Variants in TANGO6 observed in about 807,000 individuals in gnomAD.
TANGO6 encodes transport and Golgi organization protein 6 homolog.
In TANGO6, 90 loss-of-function variants were observed where a neutral mutation model predicts 114.2. That is an observed-to-expected ratio of 0.79 (90% CI 0.66 to 0.94). The LOEUF is 0.94. TANGO6 is among the 40% of genes least tolerant of loss of function. The pLI, the probability that TANGO6 is intolerant of heterozygous loss-of-function variation, is 0.00. For missense variants in TANGO6, 1,274 were observed against 1,315.3 expected (o/e 0.97, Z 0.49); for synonymous variants, 477 against 509.8 (o/e 0.94, Z 0.87).
At chr16:68,884,641 C>T (rs2152173126) in intron 7 of TANGO6, among the ~76,000 whole-genome samples, 1 of 151,956 alleles carries the variant, frequency 6.6e-6, no homozygotes, top group African/African-American at 2.4e-5. Context: ...AGGGGTAAGA[C>T]TAATTGTGAC....
At chr16:68,879,643 G>C (rs1962425631) in intron 6 of TANGO6, among the ~76,000 whole-genome samples, 1 of 142,904 alleles carries the variant, frequency 7.0e-6, no homozygotes, top group South Asian at 2.2e-4. Flanking sequence ...TTTAGACAGA[G>C]TCTCACTCTG....
chr16:68,871,254 A>G (rs7192138), intron 4 of TANGO6, among the ~76,000 whole-genome samples: 42,803 of 152,014 alleles, frequency 0.28, 7,791 homozygotes, highest in African/African-American at 0.53. Flanking sequence ...TTTCTGATGA[A>G]AAGTCTGCTA....
intron 7 of TANGO6, 54 bp from the exon 8 acceptor site, chr16:68,900,380 G>A (rs1008768317): frequency 1.1e-4 from 160 of 1,466,782 alleles, no homozygotes; most frequent in Middle Eastern, 8.7e-4. Flanking sequence ...TGTGATTCCC[G>A]TTGCTCTGGC....
At chr16:69,054,361 T>C (rs1959999625) in intron 17 of TANGO6, among the ~76,000 whole-genome samples, 1 of 152,198 alleles carries the variant, frequency 6.6e-6, no homozygotes, top group East Asian at 1.9e-4. Flanking sequence ...ACCTGATTGC[T>C]ACTCAGACAT....
chr16:69,060,139 C>G (rs1286902440), intron 17 of TANGO6, among the ~76,000 whole-genome samples: 3 of 151,980 alleles, frequency 2.0e-5, no homozygotes, highest in African/African-American at 7.3e-5. Context: ...TGTAGGACTC[C>G]GCTACATGTT....
rs775658363 is a variant in TANGO6, at chr16:69,022,840, C to G, written c.2855C>G (p.Ser952Ter). 2 of 1,581,026 alleles carry G rather than the reference C, an allele frequency of 1.3e-6. No homozygotes were observed. Among genetic ancestry groups the G allele is most frequent in the African/African-American group, 1.3e-5 (1 of 74,258 alleles). Reference protein sequence around the residue: ...RIVRALGDMVSKYREPLIHTF... With the variant: ...RIVRALGDMV Reference sequence around the variant, plus strand: ...CTTTTTCCTATAGGAGACATGGTCTCAAAGTACCGAGAACCTTTGATCCAT... The same window carrying G: ...CTTTTTCCTATAGGAGACATGGTCTGAAAGTACCGAGAACCTTTGATCCAT... The change falls in exon 16 of 18, where the codon TCA becomes TGA. Residue 952 changes from serine to a stop codon, truncating the protein, a stop_gained. Transcript: ENST00000261778. LOFTEE classifies it high-confidence loss of function.
chr16:68,994,136 A>G (rs1355611151), intron 15 of TANGO6, among the ~76,000 whole-genome samples: 1 of 152,228 alleles, frequency 6.6e-6, no homozygotes, highest in Non-Finnish European at 1.5e-5. Flanking sequence ...AAGTCCTGGC[A>G]TCTCCTGTTT....
At chr16:69,060,601 AAAAAAG>A (rs1960098820) in intron 17 of TANGO6, among the ~76,000 whole-genome samples, 1 of 151,960 alleles carries the variant, frequency 6.6e-6, no homozygotes, top group Non-Finnish European at 1.5e-5. Flanking sequence ...CTCTTAAAAA[AAAAAAG>A]AAAAAGAAAA....
intron 14 of TANGO6, among the ~76,000 whole-genome samples, chr16:68,935,200 A>G (rs766119176): frequency 9.9e-5 from 15 of 152,178 alleles, no homozygotes; most frequent in Admixed American, 2.0e-4. Flanking sequence ...AGACCAGCCC[A>G]CTTGTCCTGT....
intron 15 of TANGO6, among the ~76,000 whole-genome samples, chr16:69,019,038 G>A (rs1959356625): frequency 6.6e-6 from 1 of 152,216 alleles, no homozygotes. Context: ...CTTTAACAAT[G>A]TCTTGAGGAG....
At chr16:68,958,702 T>TGG (rs1368406047) in intron 14 of TANGO6, among the ~76,000 whole-genome samples, 1 of 151,736 alleles carries the variant, frequency 6.6e-6, no homozygotes, top group Non-Finnish European at 1.5e-5. Flanking sequence ...GAGACTGAGA[T>TGG]GGGGGAGGAT....
chr16:68,993,570 C>T (rs1418912006), intron 15 of TANGO6, among the ~76,000 whole-genome samples: 1 of 152,172 alleles, frequency 6.6e-6, no homozygotes, highest in Non-Finnish European at 1.5e-5. Context: ...GGAATTGATT[C>T]ATAGCACTTG....
intron 15 of TANGO6, among the ~76,000 whole-genome samples, chr16:68,993,161 A>G (rs2152218748): frequency 6.6e-6 from 1 of 152,348 alleles, no homozygotes; most frequent in Admixed American, 6.5e-5. Context: ...TTTTCTAAAA[A>G]TCACCAGCTG....
chr16:68,997,186 C>T (rs925582188), intron 15 of TANGO6, among the ~76,000 whole-genome samples: 3 of 152,248 alleles, frequency 2.0e-5, no homozygotes, highest in East Asian at 1.9e-4. Flanking sequence ...TCAGCCTAGG[C>T]GGCCATGAGG....
At chr16:69,062,467 A>T (rs571344231) in intron 17 of TANGO6, among the ~76,000 whole-genome samples, 229 of 152,056 alleles carry the variant, frequency 1.5e-3, no homozygotes, top group African/African-American at 5.4e-3. Flanking sequence ...ATTTAATTTT[A>T]ATTTTTATTT....
chr16:68,957,244 A>C (rs1266042529), intron 14 of TANGO6, among the ~76,000 whole-genome samples: 2 of 152,080 alleles, frequency 1.3e-5, no homozygotes. Context: ...TTGTATTGAT[A>C]ATGTAGTCAT....
chr16:68,882,662 A>G (rs1454424977), intron 7 of TANGO6, among the ~76,000 whole-genome samples: 2 of 152,192 alleles, frequency 1.3e-5, no homozygotes, highest in African/African-American at 4.8e-5. Context: ...AATTCACTGA[A>G]GTGTATATTT....
intron 17 of TANGO6, among the ~76,000 whole-genome samples, chr16:69,075,579 G>A (rs1960361862): frequency 6.7e-6 from 1 of 149,898 alleles, no homozygotes; most frequent in African/African-American, 2.5e-5. Context: ...TCAGCCTCCC[G>A]AGTAGCTGGG....
chr16:68,843,862 C>T (rs778447890), intron 1 of TANGO6, among the ~76,000 whole-genome samples, 151 bp downstream of exon 1: 3 of 152,210 alleles, frequency 2.0e-5, no homozygotes, highest in African/African-American at 7.2e-5. Context: ...TGTCTATGCC[C>T]GTCCTCATTA....
Sources: allele counts gnomAD v4.1 joint callset (sites outside exome capture counted in the v4.1 genomes callset), GRCh38; gene constraint gnomAD v4.1.1; transcripts MANE v1.5; gene names NCBI Gene and HGNC (gene_info 2026-07-23, HGNC 2026-07-21).